The following POLR3B variants were observed in gnomAD, a reference collection of about 807,000 sequenced individuals.
The protein encoded by POLR3B is RNA polymerase III subunit B.
A neutral mutation model predicts 147.4 loss-of-function variants in POLR3B; 96 were observed. The observed-to-expected ratio is 0.65, with a 90% CI of 0.55 to 0.77. The LOEUF is 0.77. Ranked by LOEUF, POLR3B falls within the 30% of genes least tolerant of loss-of-function variation. The pLI, the probability that POLR3B is intolerant of heterozygous loss-of-function variation, is 0.00. For synonymous variants in POLR3B, 461 were observed against 485.9 expected, an observed-to-expected ratio of 0.95 and a Z score of 0.67; for missense variants, 1,036 against 1,413.5, an observed-to-expected ratio of 0.73 and a Z score of 4.28.
At chr12:106,379,019 T>G (rs752864715) in intron 8 of POLR3B, among the ~76,000 whole-genome samples, 12 of 152,220 alleles carry the variant, frequency 7.9e-5, no homozygotes, top group Non-Finnish European at 1.6e-4. Flanking sequence ...AACGAACTGA[T>G]TAACTCAGAA....
At chr12:106,396,939 G>A (rs1245645630) in intron 10 of POLR3B, among the ~76,000 whole-genome samples, 2 of 149,262 alleles carry the variant, frequency 1.3e-5, no homozygotes, top group Non-Finnish European at 3.0e-5. Context: ...CAAAGGTTTT[G>A]TTGTTGTTGT....
intron 23 of POLR3B, among the ~76,000 whole-genome samples, chr12:106,486,660 C>T (rs2038344960): frequency 6.6e-6 from 1 of 152,130 alleles, no homozygotes; most frequent in African/African-American, 2.4e-5. Flanking sequence ...TAAATACTAC[C>T]CTCATACAGC....
At chr12:106,406,305 A>G (rs2037149962) in intron 11 of POLR3B, among the ~76,000 whole-genome samples, 1 of 152,218 alleles carries the variant, frequency 6.6e-6, no homozygotes, top group Admixed American at 6.5e-5. Flanking sequence ...CATGTTTTAT[A>G]AATAAATTAA....
At chr12:106,426,238 G>GTA (rs1417652594) in intron 12 of POLR3B, among the ~76,000 whole-genome samples, 1 of 150,298 alleles carries the variant, frequency 6.7e-6, no homozygotes, top group African/African-American at 2.5e-5. Context: ...GTGTGTGTGT[G>GTA]TGTGTGTGTG....
intron 12 of POLR3B, among the ~76,000 whole-genome samples, chr12:106,424,750 G>A (rs187651795): frequency 6.6e-6 from 1 of 152,144 alleles, no homozygotes; most frequent in African/African-American, 2.4e-5. Flanking sequence ...TTAAGTTTTA[G>A]AATTAGCTTC....
intron 10 of POLR3B, among the ~76,000 whole-genome samples, chr12:106,401,859 T>C (rs1470450786): frequency 3.9e-5 from 6 of 152,158 alleles, no homozygotes; most frequent in Admixed American, 1.3e-4. Context: ...AATATCATAC[T>C]GAATGGGCAA....
intron 23 of POLR3B, among the ~76,000 whole-genome samples, chr12:106,472,117 G>GT (rs2038102094): frequency 7.8e-6 from 1 of 128,970 alleles, no homozygotes; most frequent in African/African-American, 3.2e-5. Context: ...GCGGTGTTTG[G>GT]TTTTTTGTTC....
At chr12:106,503,613 A>G (rs1009160587) in intron 26 of POLR3B, among the ~76,000 whole-genome samples, 3 of 152,230 alleles carry the variant, frequency 2.0e-5, no homozygotes, top group Admixed American at 6.5e-5. Context: ...CAGCTCTGGC[A>G]GCAGCTACTG....
chr12:106,469,548 T>C lies in POLR3B; in HGVS notation c.2713+5928T>C, dbSNP rs184916403. Among the ~76,000 whole-genome samples the C allele has an allele frequency of 3.2e-4, 48 of 152,310 alleles. 1 individual carries two copies. The East Asian group carries it at 8.9e-3, about 28-fold the overall frequency. On this transcript the variant is annotated intron_variant, in intron 23 of 27. Coordinates refer to ENST00000228347, the MANE Select transcript of POLR3B (RefSeq NM_018082.6). The stretch of plus-strand genomic sequence containing the variant: ...TGATGCAGTTTCTTCATAGCATCGA[T>C]GGTCTTTACAATTTGGCATGTTTTT...
intron 18 of POLR3B, among the ~76,000 whole-genome samples, chr12:106,438,717 A>T (rs2037611238): frequency 6.6e-6 from 1 of 152,186 alleles, no homozygotes; most frequent in African/African-American, 2.4e-5. Context: ...GATTACTGCC[A>T]AAGTTGAACT....
At chr12:106,441,918 T>C (rs2137014040) in intron 18 of POLR3B, among the ~76,000 whole-genome samples, 1 of 152,098 alleles carries the variant, frequency 6.6e-6, no homozygotes, top group Non-Finnish European at 1.5e-5. Flanking sequence ...CTATCTCTAC[T>C]AAAAATACAA....
chr12:106,498,142 A>G (rs914587877), intron 25 of POLR3B, among the ~76,000 whole-genome samples: 5 of 152,256 alleles, frequency 3.3e-5, no homozygotes, highest in African/African-American at 1.2e-4. Flanking sequence ...GGAACTGGCT[A>G]TGATATTTCA....
chr12:106,398,863 T>C (rs1055080636), intron 10 of POLR3B, among the ~76,000 whole-genome samples: 1 of 152,052 alleles, frequency 6.6e-6, no homozygotes, highest in Admixed American at 6.6e-5. Flanking sequence ...CAAAGGTAGA[T>C]GAAACCACAA....
chr12:106,422,845 G>A (rs535408463), intron 12 of POLR3B, among the ~76,000 whole-genome samples: 1 of 152,244 alleles, frequency 6.6e-6, no homozygotes, highest in African/African-American at 2.4e-5. Flanking sequence ...ATCAAAGTAA[G>A]TCTTCTAGGG....
At position 106,461,574 on chromosome 12, in the gene POLR3B, G is replaced by A. The variant is rs1188930573; in HGVS notation, c.2571-1904G>A. The stretch of plus-strand genomic sequence containing the variant: ...GCCAAATCAGACAGACTCTTTGATC[G>A]GAATCTTCTTGCAGACTGGGACTTT... On this transcript the variant is annotated intron_variant, in intron 22 of 27. Coordinates refer to ENST00000228347, the MANE Select transcript of POLR3B (RefSeq NM_018082.6). 3.3e-5 allele frequency among the ~76,000 whole-genome samples: 5 copies of A among 152,126 alleles called. 1 individual carries two copies. Among genetic ancestry groups the A allele is most frequent in the Middle Eastern group, 6.3e-3 (2 of 316 alleles).
At position 106,430,333 on chromosome 12, in the gene POLR3B, C is replaced by T. The variant is rs1442212683; in HGVS notation, c.1324C>T (p.Arg442Cys). 6.2e-6 allele frequency: 10 copies of T among 1,613,928 alleles called. No homozygotes were observed. Among genetic ancestry groups the T allele is most frequent in the African/African-American group, 1.3e-5 (1 of 74,918 alleles). The change falls in exon 14 of 28, where the codon CGC becomes TGC. Residue 442 changes from arginine (R) to cysteine (C), a missense_variant. Physicochemically the swap from Arg to Cys is radical, Grantham distance 180. This residue lies in a region of POLR3B where 89 missense variants were observed against 110.9 expected (regional missense o/e 0.80). Transcript: ENST00000228347. Reference sequence around the variant, plus strand: ...CCAGGGTGTAACCCAAGTGCTGTCTCGCTTGTCATATATATCCGCACTGGG... The same window carrying T: ...CCAGGGTGTAACCCAAGTGCTGTCTTGCTTGTCATATATATCCGCACTGGG... ...DRQGVTQVLS[R>C]LSYISALGMM...
At chr12:106,413,211 T>C (rs534325404) in intron 12 of POLR3B, among the ~76,000 whole-genome samples, 7 of 152,256 alleles carry the variant, frequency 4.6e-5, no homozygotes, top group Admixed American at 4.6e-4. Flanking sequence ...ATAACCAAAT[T>C]CAGTGTCTTG....
At chr12:106,472,941 G>A (rs1157927521) in intron 23 of POLR3B, among the ~76,000 whole-genome samples, 1 of 135,544 alleles carries the variant, frequency 7.4e-6, no homozygotes, top group East Asian at 2.0e-4. Flanking sequence ...CCCTGCCCAC[G>A]CCTATGTCCT....
rs183912466 is a variant in POLR3B at position 106,481,646 on chromosome 12, A to T, written c.2714-14409A>T. On this transcript the variant is annotated intron_variant, in intron 23 of 27. Coordinates refer to ENST00000228347, the MANE Select transcript of POLR3B (RefSeq NM_018082.6). Reference sequence around the variant, plus strand: ...GTAGAATTATCTCATGCCCACTGATACCACTGTGCCCATTCTTTCTCCTTA... The same window carrying T: ...GTAGAATTATCTCATGCCCACTGATTCCACTGTGCCCATTCTTTCTCCTTA... Among the ~76,000 whole-genome samples, 13 of 152,334 alleles carry T rather than the reference A, an allele frequency of 8.5e-5. No individual in the cohort carries two copies. The East Asian group carries it at 2.3e-3, about 27-fold the overall frequency.
Sources: allele counts gnomAD v4.1 joint callset (sites outside exome capture counted in the v4.1 genomes callset), GRCh38; gene constraint gnomAD v4.1.1; regional missense constraint gnomAD v4.1.1; transcripts MANE v1.5; gene names NCBI Gene and HGNC (gene_info 2026-07-23, HGNC 2026-07-21).